The following SEL1L3 variants were observed in gnomAD, a reference collection of about 807,000 sequenced individuals.
The protein encoded by SEL1L3 is protein sel-1 homolog 3.
SEL1L3 carries 76 observed loss-of-function variants against 142.8 expected under a neutral mutation model. The ratio of observed to expected loss-of-function variants is 0.53; its 90% CI spans 0.44 to 0.64. The LOEUF (loss-of-function observed/expected upper bound fraction) is 0.64. Among genes scored for constraint, SEL1L3 ranks in the 30% least tolerant of loss-of-function variants. SEL1L3 has a pLI of 0.00. For synonymous variants in SEL1L3, 504 were observed against 519.6 expected (o/e 0.97, Z 0.41); for missense variants, 1,262 against 1,381.7 (o/e 0.91, Z 1.37).
the SEL1L3 span, among the ~76,000 whole-genome samples, chr4:25,731,864 G>A: frequency 5.3e-5 from 8 of 152,128 alleles, no homozygotes; most frequent in African/African-American, 1.9e-4. Flanking sequence ...CCTCAGGTCA[G>A]GGGTTTGAAA....
At chr4:25,727,429 T>C in the SEL1L3 span, among the ~76,000 whole-genome samples, 1 of 152,204 alleles carries the variant, frequency 6.6e-6, no homozygotes, top group African/African-American at 2.4e-5. Context: ...AAACCCATCT[T>C]TGAAGGCATT....
chr4:25,832,351 C>A (rs903108996), intron 5 of SEL1L3, among the ~76,000 whole-genome samples: 2 of 152,148 alleles, frequency 1.3e-5, no homozygotes, highest in African/African-American at 2.4e-5. Context: ...AGGTGGCAAA[C>A]CCACACTGTG....
At chr4:25,730,396 G>A in the SEL1L3 span, among the ~76,000 whole-genome samples, 1 of 152,038 alleles carries the variant, frequency 6.6e-6, no homozygotes, top group Non-Finnish European at 1.5e-5. Context: ...GATGCATAGA[G>A]GAGTAGGGTG....
At chr4:25,777,996 G>A (rs375424983) in intron 16 of SEL1L3, 5 of 364,686 alleles carry the variant, frequency 1.4e-5, no homozygotes, top group African/African-American at 1.1e-4. Context: ...AATGTAAAAA[G>A]CATTCTTAGC....
In SEL1L3 at chr4:25,811,840, G is replaced by A. The variant is rs186806590; in HGVS notation, c.1564+6298C>T. On this transcript the variant is annotated intron_variant, in intron 9 of 23. Coordinates refer to ENST00000399878, the MANE Select transcript of SEL1L3 (RefSeq NM_015187.5). ...ATTTTTGTGCAGTAATTTATATATT[G>A]GAGAAAGTCTGGTTTAACCGGAATT... Among the ~76,000 whole-genome samples the A allele has an allele frequency of 2.9e-3, 435 of 148,094 alleles. 3 individuals carry two copies. The highest frequency in any genetic ancestry group is 0.01 in the Middle Eastern group (3 of 288).
intron 11 of SEL1L3, among the ~76,000 whole-genome samples, chr4:25,794,898 C>T (rs904023040): frequency 6.6e-6 from 1 of 152,070 alleles, no homozygotes; most frequent in Non-Finnish European, 1.5e-5. Flanking sequence ...AGATCATGTC[C>T]TCTGAAGGGA....
intron 2 of SEL1L3, among the ~76,000 whole-genome samples, chr4:25,845,475 AAC>A (rs1303802730): frequency 6.6e-6 from 1 of 152,202 alleles, no homozygotes; most frequent in Non-Finnish European, 1.5e-5. Flanking sequence ...CAGCTTGGGT[AAC>A]AGAGTGAAAC....
intron 17 of SEL1L3, 125 bp downstream of exon 17, chr4:25,776,152 A>G (rs565499832): frequency 3.9e-5 from 24 of 617,848 alleles, no homozygotes; most frequent in South Asian, 1.5e-4. Context: ...TACTCTGAAT[A>G]TCATTACTGG....
chr4:25,833,492 G>C lies in SEL1L3; in HGVS notation c.938C>G (p.Ser313Cys). 1 of 1,612,876 alleles carries C rather than the reference G, an allele frequency of 6.2e-7. No homozygotes were observed. Among genetic ancestry groups the C allele is most frequent in the African/African-American group, 1.3e-5 (1 of 74,988 alleles). ...NLCGILYFVD[S>C]NEMYGTPSVF... ...AGAAGGTGTGCCGTACATCTCATTA[G>C]AGTCAACAAAGTACAGAATCCCACA... Residue 313 changes from serine to cysteine, a missense_variant, in exon 4 of 24, where the codon TCT becomes TGT. This residue lies in a region of SEL1L3 where 689 missense variants were observed against 692.8 expected (regional missense o/e 0.99). Transcript: ENST00000399878.
chr4:25,790,861 C>T (rs1010500437), intron 11 of SEL1L3, among the ~76,000 whole-genome samples: 1 of 151,994 alleles, frequency 6.6e-6, no homozygotes, highest in African/African-American at 2.4e-5. Flanking sequence ...TATAAGCACG[C>T]AAAAGACATG....
intron 16 of SEL1L3, among the ~76,000 whole-genome samples, chr4:25,777,195 T>C (rs1007810520): frequency 6.6e-6 from 1 of 152,076 alleles, no homozygotes; most frequent in African/African-American, 2.4e-5. Context: ...GGTATAACTA[T>C]ATGATCATCA....
At chr4:25,756,400 A>G (rs760353139) in intron 23 of SEL1L3, 19 of 985,174 alleles carry the variant, frequency 1.9e-5, no homozygotes, top group Non-Finnish European at 7.2e-6. Flanking sequence ...GCTAACATTT[A>G]TTGAGAAGGT....
At chr4:25,746,086 G>T (rs1268277572), downstream of SEL1L3, among the ~76,000 whole-genome samples, 1 of 152,178 alleles carries the variant, frequency 6.6e-6, no homozygotes, top group South Asian at 2.1e-4. Flanking sequence ...CTTGGCAGGA[G>T]GTGATTGGAT....
intron 13 of SEL1L3, among the ~76,000 whole-genome samples, chr4:25,786,537 TG>T (rs1711843648): frequency 1.3e-5 from 2 of 152,192 alleles, no homozygotes; most frequent in African/African-American, 4.8e-5. Context: ...AGATAATGTC[TG>T]ATTTGTGCCT....
At chr4:25,821,756 G>A (rs1052237254) in intron 7 of SEL1L3, among the ~76,000 whole-genome samples, 1 of 152,216 alleles carries the variant, frequency 6.6e-6, no homozygotes, top group African/African-American at 2.4e-5. Context: ...AATTAAACTA[G>A]TAGTTATTAA....
intron 2 of SEL1L3, among the ~76,000 whole-genome samples, chr4:25,840,028 G>T (rs1409493642): frequency 6.6e-6 from 1 of 152,188 alleles, no homozygotes; most frequent in Non-Finnish European, 1.5e-5. Context: ...GACTGTATTA[G>T]CATATTTCAG....
intron 9 of SEL1L3, 116 bp from the exon 10 acceptor site, chr4:25,804,868 A>C: frequency 2.7e-6 from 2 of 743,634 alleles, no homozygotes; most frequent in South Asian, 3.3e-5. Context: ...TCGGTCCTGC[A>C]GTGCCTCAAA....
At chr4:25,767,945 A>AATATTTTT in intron 17 of SEL1L3, 115 bp from the exon 18 acceptor site, 1 of 660,826 alleles carries the variant, frequency 1.5e-6, no homozygotes, top group South Asian at 2.0e-5. Context: ...TAAAAAAACC[A>AATATTTTT]CAAAATCGTG....
intron 11 of SEL1L3, among the ~76,000 whole-genome samples, chr4:25,796,974 G>C (rs1197150596): frequency 2.0e-5 from 3 of 150,496 alleles, no homozygotes; most frequent in African/African-American, 7.3e-5. Context: ...GAGAAGAAGG[G>C]GTAGGAAGAG....
Sources: gnomAD v4.1 joint callset for allele counts (sites outside exome capture counted in the v4.1 genomes callset) on GRCh38, gnomAD v4.1.1 for gene constraint, gnomAD v4.1.1 regional missense constraint, MANE v1.5 for transcripts, NCBI Gene and HGNC (gene_info 2026-07-23, HGNC 2026-07-21) for gene names.